EXT1: variants seen among roughly 807,000 people sequenced by gnomAD.
The protein encoded by EXT1 is exostosin-1.
In EXT1, 20 loss-of-function variants were observed where a neutral mutation model predicts 82.5. That is an observed-to-expected ratio of 0.24 (90% CI 0.17 to 0.35). EXT1 has a LOEUF of 0.35. EXT1 is among the 10% of genes least tolerant of loss of function. The probability of loss-of-function intolerance (pLI) is 1.00; values close to 1 mark genes in which losing one functional copy is unlikely to be tolerated. For synonymous variants in EXT1, 348 were observed against 350.8 expected (o/e 0.99, Z 0.09); for missense variants, 757 against 936.5 (o/e 0.81, Z 2.50).
intron 1 of EXT1, among the ~76,000 whole-genome samples, chr8:117,981,450 A>T (rs1198473214): frequency 2.0e-5 from 3 of 152,228 alleles, no homozygotes; most frequent in African/African-American, 7.2e-5. Context: ...TAAATACTTG[A>T]TCTACTAATT....
intron 1 of EXT1, among the ~76,000 whole-genome samples, chr8:117,952,852 G>T (rs1586305892): frequency 6.6e-6 from 1 of 152,256 alleles, no homozygotes; most frequent in Non-Finnish European, 1.5e-5. Flanking sequence ...GGTAAGCCAT[G>T]GAAAATGGAA....
At chr8:118,070,984 G>T (rs1006747030) in intron 1 of EXT1, among the ~76,000 whole-genome samples, 5 of 152,156 alleles carry the variant, frequency 3.3e-5, no homozygotes, top group African/African-American at 1.2e-4. Flanking sequence ...GACCCTTTCA[G>T]AATAAATATT....
At chr8:118,103,985 G>A (rs1008754498) in intron 1 of EXT1, among the ~76,000 whole-genome samples, 1 of 152,196 alleles carries the variant, frequency 6.6e-6, no homozygotes, top group East Asian at 1.9e-4. Flanking sequence ...TATGTAACAG[G>A]GAGAAACTCT....
intron 1 of EXT1, among the ~76,000 whole-genome samples, chr8:117,903,232 T>G (rs563636064): frequency 6.6e-6 from 1 of 152,316 alleles, no homozygotes; most frequent in Non-Finnish European, 1.5e-5. Flanking sequence ...GAAGACGAAA[T>G]AGCAAGTTGC....
At chr8:117,959,690 G>A (rs563506090) in intron 1 of EXT1, among the ~76,000 whole-genome samples, 1 of 152,208 alleles carries the variant, frequency 6.6e-6, no homozygotes, top group Non-Finnish European at 1.5e-5. Context: ...CATATTAAAT[G>A]CATTGTAATA....
intron 4 of EXT1, among the ~76,000 whole-genome samples, chr8:117,829,725 C>T (rs969921919): frequency 1.3e-5 from 2 of 151,896 alleles, no homozygotes; most frequent in Non-Finnish European, 2.9e-5. Context: ...AAGCGTGTGC[C>T]ACCATGCCTG....
intron 4 of EXT1, among the ~76,000 whole-genome samples, chr8:117,823,697 G>T (rs1013455695): frequency 1.3e-5 from 2 of 152,042 alleles, no homozygotes; most frequent in African/African-American, 4.8e-5. Context: ...AATAAAGTGG[G>T]CTACATTTAT....
chr8:118,064,640 A>C (rs1427324089), intron 1 of EXT1, among the ~76,000 whole-genome samples: 1 of 152,094 alleles, frequency 6.6e-6, no homozygotes, highest in Non-Finnish European at 1.5e-5. Context: ...AATAAACATA[A>C]GTGTGCATGT....
chr8:118,091,689 G>A (rs560873528), intron 1 of EXT1, among the ~76,000 whole-genome samples: 25 of 152,296 alleles, frequency 1.6e-4, no homozygotes, highest in African/African-American at 5.3e-4. Context: ...AGCTTGCAAT[G>A]AGCCAAGATC....
rs1414695786 is a variant in EXT1, at chr8:117,798,955, GTTCT to G, written c.*753_*756del. On this transcript the variant is annotated 3_prime_UTR_variant, in exon 11 of 11. Transcript: ENST00000378204. ...AACATGCTGGTGGGTTATCTGGATAGTTCTTTGTGCAAACTGAACATTTCTTAAT... is the reference window on the plus strand; with the variant it reads ...AACATGCTGGTGGGTTATCTGGATAGTTGTGCAAACTGAACATTTCTTAAT... 1 of 152,198 alleles carries G rather than the reference GTTCT, an allele frequency of 6.6e-6. No individual in the cohort carries two copies. The highest frequency in any genetic ancestry group is 2.4e-5 in the African/African-American group (1 of 41,418). 9.4% of individuals were successfully genotyped at this position (152,198 alleles called of 1,614,324 possible). A position where few individuals can be genotyped will look rare whatever the true frequency, so the allele number is the denominator to read the frequency against.
At chr8:117,988,727 G>T (rs1045553159) in intron 1 of EXT1, among the ~76,000 whole-genome samples, 3 of 151,652 alleles carry the variant, frequency 2.0e-5, no homozygotes, top group Non-Finnish European at 2.9e-5. Context: ...ACTCCAATGC[G>T]AAGAAGGGGA....
intron 1 of EXT1, among the ~76,000 whole-genome samples, chr8:117,884,665 C>A (rs1052192169): frequency 6.6e-6 from 1 of 152,042 alleles, no homozygotes; most frequent in African/African-American, 2.4e-5. Flanking sequence ...CTCTTCTATT[C>A]TGTTCATTGC....
At chr8:118,100,840 T>C (rs1268352171) in intron 1 of EXT1, among the ~76,000 whole-genome samples, 3 of 151,622 alleles carry the variant, frequency 2.0e-5, no homozygotes, top group Non-Finnish European at 4.4e-5. Context: ...CAAGGAAGTA[T>C]CTGACTGCCC....
intron 1 of EXT1, among the ~76,000 whole-genome samples, chr8:117,930,654 A>G (rs1176389959): frequency 6.6e-6 from 1 of 152,240 alleles, no homozygotes; most frequent in Non-Finnish European, 1.5e-5. Context: ...GTCCTTTCCA[A>G]CAGGCAGACA....
chr8:118,110,840 A>G lies in EXT1; in HGVS notation c.207T>C (p.Asp69=), dbSNP rs1817887405. The G allele has an allele frequency of 6.2e-7, 1 of 1,612,466 alleles. No homozygotes were observed. The highest frequency in any genetic ancestry group is 1.1e-5 in the South Asian group (1 of 91,054). The part of the protein sequence containing the change: ...PDALRPFVPW[D]QLENEDSSVH... ...CGCTGGAATCCTCGTTTTCCAATTG[A>G]TCCCAAGGAACGAAGGGGCGCAGAG... Residue 69 remains aspartate (D), a synonymous_variant, in exon 1 of 11, where the codon GAT becomes GAC. Transcript: ENST00000378204.
intron 1 of EXT1, among the ~76,000 whole-genome samples, chr8:117,841,672 G>C (rs1441148235): frequency 6.6e-6 from 1 of 152,126 alleles, no homozygotes; most frequent in Non-Finnish European, 1.5e-5. Flanking sequence ...ACAAAAGGTA[G>C]AAGAATTTTC....
At chr8:118,059,900 T>A (rs996608700) in intron 1 of EXT1, among the ~76,000 whole-genome samples, 3 of 152,204 alleles carry the variant, frequency 2.0e-5, no homozygotes, top group Non-Finnish European at 2.9e-5. Context: ...GATCCATTTA[T>A]GAAACAACTT....
At chr8:118,064,094 C>T (rs1193451338) in intron 1 of EXT1, among the ~76,000 whole-genome samples, 3 of 152,162 alleles carry the variant, frequency 2.0e-5, no homozygotes, top group Non-Finnish European at 4.4e-5. Flanking sequence ...AAACTCCTGA[C>T]CTTAGGTGAT....
chr8:117,826,861 G>A (rs948662595), intron 4 of EXT1, among the ~76,000 whole-genome samples: 2 of 152,146 alleles, frequency 1.3e-5, no homozygotes, highest in African/African-American at 4.8e-5. Context: ...GGCCTTTTCA[G>A]GTTCAGAGAT....
Sources: gnomAD v4.1 joint callset for allele counts (sites outside exome capture counted in the v4.1 genomes callset) on GRCh38, gnomAD v4.1.1 for gene constraint, MANE v1.5 for transcripts, NCBI Gene and HGNC (gene_info 2026-07-23, HGNC 2026-07-21) for gene names.